Variants in CEP83 observed in about 807,000 individuals in gnomAD.
CEP83 encodes centrosomal protein 83.
In CEP83, 70 loss-of-function variants were observed where a neutral mutation model predicts 101.9. The ratio of observed to expected loss-of-function variants is 0.69; its 90% CI spans 0.57 to 0.84. The LOEUF is 0.84. CEP83 is among the 40% of genes least tolerant of loss of function. CEP83 has a pLI of 0.00. For missense variants in CEP83, 715 were observed against 787.2 expected (o/e 0.91, Z 1.10); for synonymous variants, 264 against 267.9 (o/e 0.99, Z 0.14).
intron 6 of CEP83, among the ~76,000 whole-genome samples, chr12:94,384,228 T>A (rs566615786): frequency 1.6e-3 from 248 of 152,284 alleles, no homozygotes; most frequent in Admixed American, 2.7e-3. Context: ...GAATTATGAG[T>A]TGACAGTCCT....
chr12:94,279,830 TC>T, the CEP83 span: 1 of 707,858 alleles, frequency 1.4e-6, no homozygotes, highest in South Asian at 1.5e-5. Flanking sequence ...CTCATGGGCA[TC>T]CTGATTCTTC....
At chr12:94,277,453 A>C in the CEP83 span, among the ~76,000 whole-genome samples, 1 of 152,208 alleles carries the variant, frequency 6.6e-6, no homozygotes, top group Non-Finnish European at 1.5e-5. Flanking sequence ...TCAGTGGTCC[A>C]TAAGTCACGG....
the CEP83 span, chr12:94,297,508 T>A: frequency 1.1e-6 from 1 of 935,822 alleles, no homozygotes; most frequent in South Asian, 1.4e-5. Context: ...AGTGTGAAAA[T>A]GTTACAAATC....
At chr12:94,329,641 T>G (rs2059122459) in intron 14 of CEP83, among the ~76,000 whole-genome samples, 2 of 152,246 alleles carry the variant, frequency 1.3e-5, no homozygotes, top group African/African-American at 4.8e-5. Context: ...AATTTAGCTC[T>G]TAAAATTTCT....
intron 14 of CEP83, 85 bp downstream of exon 14, chr12:94,331,615 A>G (rs2059226955): frequency 1.7e-6 from 2 of 1,180,626 alleles, no homozygotes; most frequent in East Asian, 4.8e-5. Flanking sequence ...CTCGTGATCC[A>G]CCTGCCTCCG....
At chr12:94,348,171 C>T (rs78177096) in intron 11 of CEP83, among the ~76,000 whole-genome samples, 6,594 of 151,130 alleles carry the variant, frequency 0.044, 193 homozygotes, top group East Asian at 0.081. Flanking sequence ...AGAAAGCACA[C>T]GTATAGAACA....
intron 11 of CEP83, among the ~76,000 whole-genome samples, chr12:94,338,163 A>G (rs762109941): frequency 2.6e-5 from 4 of 152,220 alleles, no homozygotes; most frequent in Non-Finnish European, 5.9e-5. Context: ...AAGTAGAATA[A>G]AGATAAAAGA....
chr12:94,305,445 A>G (rs149475364), downstream of CEP83: 91 of 587,514 alleles, frequency 1.5e-4, 1 homozygote, highest in East Asian at 1.7e-3. Flanking sequence ...AGCTTTTAGA[A>G]AGCATACCAA....
Position 94,382,906 on chromosome 12 carries a change from T to G in CEP83, c.550-3864A>C, listed in dbSNP as rs561064795. Among the ~76,000 whole-genome samples, 4 of 152,182 alleles carry G rather than the reference T, an allele frequency of 2.6e-5. No homozygotes were observed. The East Asian group carries it at 7.7e-4, about 29-fold the overall frequency. On this transcript the variant is annotated intron_variant, in intron 6 of 16. Coordinates refer to ENST00000397809, the MANE Select transcript of CEP83 (RefSeq NM_016122.3). ...TCTGATGGTTGATGGTGTTATTGCG[T>G]TCTTATTTATCCTTGCTGATTTTTA...
chr12:94,436,723 C>T (rs2066013992), intron 1 of CEP83, among the ~76,000 whole-genome samples: 1 of 150,472 alleles, frequency 6.6e-6, no homozygotes, highest in Non-Finnish European at 1.5e-5. Flanking sequence ...CCCAGCTACT[C>T]GGGAGGCTGA....
intron 1 of CEP83, among the ~76,000 whole-genome samples, chr12:94,457,947 A>G (rs901042313): frequency 1.3e-5 from 2 of 152,228 alleles, no homozygotes; most frequent in African/African-American, 4.8e-5. Flanking sequence ...CTGTAATCCC[A>G]GCACTTTGGG....
At chr12:94,344,649 C>G (rs1356174409) in intron 11 of CEP83, among the ~76,000 whole-genome samples, 1 of 152,004 alleles carries the variant, frequency 6.6e-6, no homozygotes, top group Non-Finnish European at 1.5e-5. Flanking sequence ...ACAATGAAAA[C>G]TGCAACACAC....
intron 11 of CEP83, among the ~76,000 whole-genome samples, chr12:94,357,878 C>T (rs775592368): frequency 3.3e-5 from 5 of 152,054 alleles, no homozygotes; most frequent in Non-Finnish European, 7.3e-5. Context: ...CTGATTGTGC[C>T]GTATGTGGGA....
At chr12:94,390,817 C>T (rs1393818615) in intron 6 of CEP83, among the ~76,000 whole-genome samples, 1 of 152,098 alleles carries the variant, frequency 6.6e-6, no homozygotes, top group East Asian at 1.9e-4. Flanking sequence ...GGCACGAGAA[C>T]TTCGTGATGC....
At chr12:94,340,678 C>T (rs939508567) in intron 11 of CEP83, among the ~76,000 whole-genome samples, 3 of 152,166 alleles carry the variant, frequency 2.0e-5, no homozygotes, top group African/African-American at 7.2e-5. Context: ...CTCAGGTGTT[C>T]CACCCGCCTC....
At chr12:94,419,387 G>A (rs144111740) in intron 2 of CEP83, among the ~76,000 whole-genome samples, 2 of 152,120 alleles carry the variant, frequency 1.3e-5, no homozygotes, top group Admixed American at 6.5e-5. Context: ...ATATGGACTA[G>A]GTGTATGGAT....
At chr12:94,376,520 C>A (rs74506061) in intron 7 of CEP83, among the ~76,000 whole-genome samples, 1 of 151,648 alleles carries the variant, frequency 6.6e-6, no homozygotes, top group Admixed American at 6.6e-5. Context: ...TTTTTAAGTA[C>A]GAGCAAAGAG....
chr12:94,270,031 A>G, the CEP83 span, among the ~76,000 whole-genome samples: 4 of 152,230 alleles, frequency 2.6e-5, no homozygotes, highest in Admixed American at 2.0e-4. Context: ...AAAAGTATTT[A>G]CTTTTTTTCT....
the CEP83 span, among the ~76,000 whole-genome samples, chr12:94,289,517 C>A: frequency 6.6e-6 from 1 of 152,170 alleles, no homozygotes; most frequent in Admixed American, 6.5e-5. Context: ...TGGTTTTCAT[C>A]CCTAAAGTAG....
Sources: gnomAD v4.1 joint callset for allele counts (sites outside exome capture counted in the v4.1 genomes callset) on GRCh38, gnomAD v4.1.1 for gene constraint, MANE v1.5 for transcripts, NCBI Gene and HGNC (gene_info 2026-07-23, HGNC 2026-07-21) for gene names.